ACOT11: variants seen among roughly 807,000 people sequenced by gnomAD.
ACOT11 encodes the protein acyl-CoA thioesterase 11.
A neutral mutation model predicts 77.5 loss-of-function variants in ACOT11; 69 were observed. The ratio of observed to expected loss-of-function variants is 0.89; its 90% CI spans 0.73 to 1.09. ACOT11 has a LOEUF of 1.09. Ranked by LOEUF, ACOT11 falls within the 50% of genes least tolerant of loss-of-function variation. The pLI, the probability that ACOT11 is intolerant of heterozygous loss-of-function variation, is 0.00. For missense variants in ACOT11, 766 were observed against 813.7 expected, an observed-to-expected ratio of 0.94 and a Z score of 0.71; for synonymous variants, 279 against 313.0, an observed-to-expected ratio of 0.89 and a Z score of 1.15.
At chr1:54,598,926 C>T (rs1024190795) in intron 7 of ACOT11, 17 of 149,332 alleles carry the variant, frequency 1.1e-4, no homozygotes, top group African/African-American at 4.0e-4. Flanking sequence ...GGGTGGATCA[C>T]CTGAGGTCAG....
intron 1 of ACOT11, among the ~76,000 whole-genome samples, chr1:54,583,407 T>C (rs1654389053): frequency 1.3e-5 from 2 of 152,150 alleles, no homozygotes; most frequent in Non-Finnish European, 2.9e-5. Flanking sequence ...GGGGGAATTA[T>C]CTAAGGAGTA....
At chr1:54,562,800 C>T (rs1247184139) in intron 1 of ACOT11, among the ~76,000 whole-genome samples, 3 of 97,234 alleles carry the variant, frequency 3.1e-5, no homozygotes, top group Non-Finnish European at 6.6e-5. Context: ...CCCCACATCT[C>T]AGACGATGGG....
chr1:54,625,426 C>T (rs986660500), intron 15 of ACOT11, among the ~76,000 whole-genome samples: 43 of 152,192 alleles, frequency 2.8e-4, no homozygotes, highest in African/African-American at 1.0e-3. Context: ...CTCTCTCAGG[C>T]CACCCACTCC....
Position 54,601,561 on chromosome 1 carries a change from C to T in ACOT11, c.1029+148C>T. ...GCTGGGGCACAGCCAGCTGAGTGTC[C>T]TGGCTGTGAGCCCTGGGATGCCCCT... On this transcript the variant is annotated intron_variant, in intron 9 of 15. Coordinates refer to ENST00000343744, the MANE Select transcript of ACOT11 (RefSeq NM_147161.4). The T allele has an allele frequency of 2.3e-6, 3 of 1,278,380 alleles. No individual in the cohort carries two copies. The South Asian group carries it at 4.5e-5, about 19-fold the overall frequency. 79.2% of individuals were successfully genotyped at this position (1,278,380 alleles called of 1,614,324 possible).
chr1:54,628,781 T>C (rs1644285034), intron 15 of ACOT11, among the ~76,000 whole-genome samples: 1 of 133,302 alleles, frequency 7.5e-6, no homozygotes, highest in African/African-American at 2.5e-5. Flanking sequence ...AGATAGAGGC[T>C]GGGTGCAGTG....
At position 54,548,282 on chromosome 1, in the gene ACOT11, G is replaced by A. The variant is rs755878227; in HGVS notation, c.-28G>A. The A allele has an allele frequency of 6.3e-6, 10 of 1,585,200 alleles. No individual in the cohort carries two copies. In the East Asian group the frequency reaches 1.4e-4, roughly 22 times the overall value. The stretch of plus-strand genomic sequence containing the variant: ...GTGACCAGCTTGTGTCTCTGGGAGG[G>A]CGCTGCTTTCCCCGGCCACCCGGCG... On this transcript the variant is annotated 5_prime_UTR_variant, in exon 1 of 16. Transcript: ENST00000343744.
intron 1 of ACOT11, among the ~76,000 whole-genome samples, chr1:54,577,367 A>T (rs988274265): frequency 6.6e-6 from 1 of 152,220 alleles, no homozygotes; most frequent in African/African-American, 2.4e-5. Context: ...TTTATCCGCT[A>T]ATATGGATAC....
chr1:54,637,653 G>C (rs147002801), exon 17 of ACOT11: 4 of 152,194 alleles, frequency 2.6e-5, no homozygotes, highest in Admixed American at 6.5e-5. Context: ...CAGGTGTGGT[G>C]GTGGGTGCCT....
chr1:54,593,919 C>T (rs762936488), intron 4 of ACOT11, 22 bp from the exon 5 acceptor site: 20 of 1,602,718 alleles, frequency 1.2e-5, no homozygotes, highest in Admixed American at 3.4e-5. Context: ...CTCATTCCTT[C>T]GCCCTTACTG....
exon 17 of ACOT11, chr1:54,634,928 C>G (rs1319413412): frequency 2.0e-6 from 1 of 511,892 alleles, no homozygotes; most frequent in East Asian, 3.1e-5. Flanking sequence ...AGCGGGACAA[C>G]CAGTCACAAT....
intron 1 of ACOT11, among the ~76,000 whole-genome samples, chr1:54,561,078 TTTTA>T (rs879933044): frequency 0.079 from 6,350 of 80,194 alleles, 455 homozygotes; most frequent in African/African-American, 0.3. Flanking sequence ...TTGGCTGATT[TTTTA>T]TTTTTTTTAT....
At chr1:54,564,113 TCTCAGCTA>T (rs1237661027) in intron 1 of ACOT11, among the ~76,000 whole-genome samples, 3 of 149,442 alleles carry the variant, frequency 2.0e-5, no homozygotes, top group Admixed American at 6.6e-5. Flanking sequence ...GTGCCTGTAG[TCTCAGCTA>T]CTCAGCTACT....
chr1:54,604,404 G>A lies in ACOT11; in HGVS notation c.1211G>A (p.Trp404Ter). Reference protein sequence around the residue: ...SLKMLVAKDNWVLSSEISQVR... With the variant: ...SLKMLVAKDN ...AAGATGCTTGTGGCCAAGGACAACT[G>A]GGTGCTGTCCTCGGAGATCAGTCAG... Residue 404 changes from tryptophan (W) to a stop codon, truncating the protein, a stop_gained, in exon 12 of 16, where the codon TGG (tryptophan) becomes TAG (stop). Transcript: ENST00000343744. LOFTEE classifies it high-confidence loss of function. 6.2e-7 allele frequency: 1 copy of A among 1,614,008 alleles called. No homozygotes were observed. Among genetic ancestry groups the A allele is most frequent in the Non-Finnish European group, 8.5e-7 (1 of 1,180,018 alleles).
chr1:54,585,680 C>T (rs77134167), intron 2 of ACOT11, among the ~76,000 whole-genome samples, 155 bp from the exon 3 acceptor site: 8,021 of 152,068 alleles, frequency 0.053, 333 homozygotes, highest in East Asian at 0.18. Context: ...GTGGTGCCCA[C>T]GGTGAGGGGT....
intron 15 of ACOT11, chr1:54,616,132 C>T (rs1444685008): frequency 6.2e-7 from 1 of 1,614,152 alleles, no homozygotes; most frequent in Admixed American, 1.7e-5. Context: ...CTGTGCCGAG[C>T]CCTTCTACAT....
chr1:54,609,394 A>C lies in ACOT11; in HGVS notation c.*282A>C. The C allele has an allele frequency of 1.2e-6, 2 of 1,614,078 alleles. No homozygotes were observed. Among genetic ancestry groups the C allele is most frequent in the Non-Finnish European group, 1.7e-6 (2 of 1,180,024 alleles). Reference sequence around the variant, plus strand: ...TCCTCACAGAGGCATAGTCGCCCCCAGCTGGGTTGTGCTCCACTGTGACGG... The same window carrying C: ...TCCTCACAGAGGCATAGTCGCCCCCCGCTGGGTTGTGCTCCACTGTGACGG... On this transcript the variant is annotated 3_prime_UTR_variant, in exon 16 of 16. Coordinates refer to ENST00000343744, the MANE Select transcript of ACOT11 (RefSeq NM_147161.4).
chr1:54,573,889 C>T lies in ACOT11; in HGVS notation c.34-10766C>T, dbSNP rs144332125. On this transcript the variant is annotated intron_variant, in intron 1 of 15. Transcript: ENST00000343744. Reference sequence around the variant, plus strand: ...TACTAAATACAAAAAATTAGCCGGGCGTGATGGCGCATGCCTGTAATCCCA... The same window carrying T: ...TACTAAATACAAAAAATTAGCCGGGTGTGATGGCGCATGCCTGTAATCCCA... Among the ~76,000 whole-genome samples, 1,106 of 151,990 alleles carry T rather than the reference C, an allele frequency of 7.3e-3. 14 individuals are homozygous for T. Among genetic ancestry groups the T allele is most frequent in the African/African-American group, 0.025 (1,044 of 41,436 alleles).
At chr1:54,566,285 C>T (rs1174112929) in intron 1 of ACOT11, among the ~76,000 whole-genome samples, 1 of 152,004 alleles carries the variant, frequency 6.6e-6, no homozygotes, top group African/African-American at 2.4e-5. Context: ...GGTGATACCC[C>T]ATCTCTACTA....
downstream of ACOT11, chr1:54,610,897 G>C (rs72903827): frequency 3.6e-5 from 35 of 985,166 alleles, no homozygotes; most frequent in African/African-American, 6.1e-4. Context: ...TTCTGGGTTC[G>C]GGGTCAAGGG....
Sources: allele counts gnomAD v4.1 joint callset (sites outside exome capture counted in the v4.1 genomes callset), GRCh38; gene constraint gnomAD v4.1.1; transcripts MANE v1.5; gene names NCBI Gene and HGNC (gene_info 2026-07-23, HGNC 2026-07-21).